Variants in GNAI1 observed in about 807,000 individuals in gnomAD.
The protein encoded by GNAI1 is G protein subunit alpha i1.
Under a neutral mutation model 38.9 loss-of-function variants are expected in GNAI1, and 11 were observed. The observed-to-expected ratio is 0.28, with a 90% CI of 0.18 to 0.47. The LOEUF is 0.47. Ranked by LOEUF, GNAI1 falls within the 20% of genes least tolerant of loss-of-function variation. GNAI1 has a pLI of 0.99. For missense variants in GNAI1, 317 were observed against 436.9 expected, an observed-to-expected ratio of 0.73 and a Z score of 2.45; for synonymous variants, 166 against 145.1, an observed-to-expected ratio of 1.14 and a Z score of -1.04.
intron 1 of GNAI1, among the ~76,000 whole-genome samples, chr7:80,158,273 A>G (rs960357562): frequency 1.3e-5 from 2 of 152,186 alleles, no homozygotes; most frequent in Non-Finnish European, 2.9e-5. Flanking sequence ...TTGCTGGCTA[A>G]TTCCGTAACT....
In GNAI1 at chr7:80,221,636, C is replaced by CTTTTTTTTT. The variant is rs71518978; in HGVS notation, c.*4160_*4168dup. Among the ~76,000 whole-genome samples, 69 of 94,338 alleles carry CTTTTTTTTT rather than the reference C, an allele frequency of 7.3e-4. 1 individual carries two copies. Among genetic ancestry groups the CTTTTTTTTT allele is most frequent in the South Asian group, 1.1e-3 (3 of 2,642 alleles). The allele number at this position is 94,338 out of a possible 152,430, so 61.9% of individuals were successfully genotyped here. A position where few individuals can be genotyped will look rare whatever the true frequency, so the allele number is the denominator to read the frequency against. On this transcript the variant is annotated 3_prime_UTR_variant, in exon 8 of 8. Coordinates refer to ENST00000649796, the MANE Select transcript of GNAI1 (RefSeq NM_002069.6). ...ATTTTAATGTTAGGTTGGAAATTTT[C>CTTTTTTTTT]TTTTTTTTTTTTTTTTTTTTTTTTT... is the stretch of plus-strand genomic sequence containing the variant.
chr7:80,211,926 C>T (rs188032317), intron 6 of GNAI1, among the ~76,000 whole-genome samples: 1,601 of 152,070 alleles, frequency 0.011, 18 homozygotes, highest in Non-Finnish European at 0.016. Flanking sequence ...CTGCATGGGT[C>T]CACATATATG....
chr7:80,135,126 G>A lies in GNAI1; in HGVS notation c.-35G>A. Reference sequence around the variant, plus strand: ...GTGCTTGGAGCCCGCACTCGGGCGCGGAGGGAGCGGCGGCAGGCTCTCGCT... The same window carrying A: ...GTGCTTGGAGCCCGCACTCGGGCGCAGAGGGAGCGGCGGCAGGCTCTCGCT... On this transcript the variant is annotated 5_prime_UTR_variant, in exon 1 of 8. Coordinates refer to ENST00000649796, the MANE Select transcript of GNAI1 (RefSeq NM_002069.6). 7.1e-6 allele frequency: 10 copies of A among 1,407,976 alleles called. No homozygotes were observed. The highest frequency in any genetic ancestry group is 9.5e-6 in the Non-Finnish European group (10 of 1,052,324). 87.2% of individuals were successfully genotyped at this position (1,407,976 alleles called of 1,614,324 possible). A position where few individuals can be genotyped will look rare whatever the true frequency, so the allele number is the denominator to read the frequency against.
At chr7:80,144,620 T>G (rs1363683682) in intron 1 of GNAI1, among the ~76,000 whole-genome samples, 1 of 152,166 alleles carries the variant, frequency 6.6e-6, no homozygotes, top group Non-Finnish European at 1.5e-5. Flanking sequence ...CTGATCTATA[T>G]TATTCATTTT....
chr7:80,174,090 A>G (rs1039106006), intron 1 of GNAI1, among the ~76,000 whole-genome samples: 8 of 152,170 alleles, frequency 5.3e-5, no homozygotes, highest in African/African-American at 1.4e-4. Context: ...AGATTTATGT[A>G]TATGAGTGAT....
intron 5 of GNAI1, among the ~76,000 whole-genome samples, chr7:80,210,524 G>A (rs980030231): frequency 2.0e-5 from 3 of 152,130 alleles, no homozygotes; most frequent in Non-Finnish European, 2.9e-5. Flanking sequence ...TTTAGTAGGA[G>A]GAGGGGTCTC....
intron 1 of GNAI1, among the ~76,000 whole-genome samples, chr7:80,157,591 C>A (rs1489347888): frequency 6.6e-6 from 1 of 152,210 alleles, no homozygotes; most frequent in Non-Finnish European, 1.5e-5. Flanking sequence ...TCCATATTCT[C>A]ACCAGCATTT....
chr7:80,171,274 G>A (rs1156639891), intron 1 of GNAI1, among the ~76,000 whole-genome samples: 1 of 150,530 alleles, frequency 6.6e-6, no homozygotes, highest in African/African-American at 2.4e-5. Flanking sequence ...AATTTATTGG[G>A]TGTTTCCTCA....
At chr7:80,207,929 T>C (rs1449453750) in intron 5 of GNAI1, among the ~76,000 whole-genome samples, 1 of 152,148 alleles carries the variant, frequency 6.6e-6, no homozygotes, top group Non-Finnish European at 1.5e-5. Context: ...TTTTGTCAGA[T>C]ATAAAGCATT....
At chr7:80,167,307 A>G (rs1037697223) in intron 1 of GNAI1, among the ~76,000 whole-genome samples, 1 of 152,214 alleles carries the variant, frequency 6.6e-6, no homozygotes, top group African/African-American at 2.4e-5. Flanking sequence ...CGTCTGTAGT[A>G]TGTATAGCAG....
At chr7:80,205,648 T>G (rs1788761825) in intron 5 of GNAI1, among the ~76,000 whole-genome samples, 1 of 152,090 alleles carries the variant, frequency 6.6e-6, no homozygotes, top group Non-Finnish European at 1.5e-5. Context: ...AAATTCAAAC[T>G]TTACAAGACC....
intron 1 of GNAI1, among the ~76,000 whole-genome samples, chr7:80,184,060 CCTT>C (rs1788347325): frequency 1.3e-5 from 2 of 152,078 alleles, no homozygotes; most frequent in African/African-American, 4.8e-5. Flanking sequence ...GCCACTTCCT[CCTT>C]AAAGGAGACC....
chr7:80,164,355 T>C (rs1787978069), intron 1 of GNAI1, among the ~76,000 whole-genome samples: 1 of 151,578 alleles, frequency 6.6e-6, no homozygotes. Context: ...TCTTTTTTTC[T>C]TGCTTTCCTT....
At chr7:80,214,106 T>A (rs994931995) in intron 7 of GNAI1, among the ~76,000 whole-genome samples, 4 of 152,122 alleles carry the variant, frequency 2.6e-5, no homozygotes, top group Non-Finnish European at 4.4e-5. Context: ...AATTAAACAT[T>A]CAGTGGAACC....
chr7:80,166,439 A>G (rs190131736), intron 1 of GNAI1, among the ~76,000 whole-genome samples: 1 of 152,290 alleles, frequency 6.6e-6, no homozygotes, highest in East Asian at 1.9e-4. Context: ...TTTTAGCAAA[A>G]TAGATTGATA....
At chr7:80,156,060 A>AG (rs1382986049) in intron 1 of GNAI1, among the ~76,000 whole-genome samples, 17 of 150,904 alleles carry the variant, frequency 1.1e-4, no homozygotes, top group African/African-American at 3.9e-4. Context: ...AAAAAAAAAA[A>AG]AAAGAAAGAA....
At chr7:80,142,559 A>C (rs1301917002) in intron 1 of GNAI1, among the ~76,000 whole-genome samples, 4 of 152,228 alleles carry the variant, frequency 2.6e-5, no homozygotes, top group African/African-American at 9.6e-5. Context: ...TCAGAGCATG[A>C]ATCTTGTCAG....
chr7:80,166,195 A>G (rs1035117816), intron 1 of GNAI1, among the ~76,000 whole-genome samples: 2 of 152,312 alleles, frequency 1.3e-5, no homozygotes, highest in Non-Finnish European at 1.5e-5. Flanking sequence ...TTCACTAGGC[A>G]TTATGCTAAG....
At chr7:80,199,100 C>T (rs148145033) in intron 3 of GNAI1, 125 bp from the exon 4 acceptor site, 77 of 622,072 alleles carry the variant, frequency 1.2e-4, no homozygotes, top group Non-Finnish European at 2.0e-4. Flanking sequence ...AAAGTAATGA[C>T]GTGTTAATAA....
Sources: allele counts gnomAD v4.1 joint callset (sites outside exome capture counted in the v4.1 genomes callset), GRCh38; gene constraint gnomAD v4.1.1; transcripts MANE v1.5; gene names NCBI Gene and HGNC (gene_info 2026-07-23, HGNC 2026-07-21).